The following TANC2 variants were observed in gnomAD, a reference collection of about 807,000 sequenced individuals.
The protein encoded by TANC2 is protein TANC2.
In TANC2, 26 loss-of-function variants were observed where a neutral mutation model predicts 210.5. That is an observed-to-expected ratio of 0.12 (90% CI 0.09 to 0.17). The LOEUF (loss-of-function observed/expected upper bound fraction) is 0.17. Among genes scored for constraint, TANC2 ranks in the 10% least tolerant of loss-of-function variants. The pLI is 1.00. For missense variants in TANC2, 2,129 were observed against 2,608.9 expected (o/e 0.82, Z 4.01); for synonymous variants, 931 against 967.1 (o/e 0.96, Z 0.69).
intron 5 of TANC2, among the ~76,000 whole-genome samples, chr17:63,159,834 G>A (rs1277075461): frequency 2.0e-5 from 3 of 152,140 alleles, no homozygotes; most frequent in Non-Finnish European, 2.9e-5. Context: ...ACTGAGAAAA[G>A]GCTGTATTTT....
At chr17:63,074,248 T>C (rs2036498628) in intron 3 of TANC2, among the ~76,000 whole-genome samples, 1 of 152,140 alleles carries the variant, frequency 6.6e-6, no homozygotes, top group Admixed American at 6.5e-5. Context: ...TTAAGTAATT[T>C]TGAAGCATTA....
At chr17:63,320,822 G>C (rs1014311228) in intron 11 of TANC2, among the ~76,000 whole-genome samples, 7 of 152,066 alleles carry the variant, frequency 4.6e-5, no homozygotes, top group Non-Finnish European at 4.4e-5. Context: ...CTTTAATTCT[G>C]AGTAATGCTT....
intron 11 of TANC2, among the ~76,000 whole-genome samples, chr17:63,338,411 A>T (rs1313446126): frequency 6.6e-6 from 1 of 152,176 alleles, no homozygotes; most frequent in Non-Finnish European, 1.5e-5. Flanking sequence ...GTATCTTCTT[A>T]CTTTAGGATG....
At chr17:63,324,938 A>G (rs1036397529) in intron 11 of TANC2, among the ~76,000 whole-genome samples, 14 of 152,084 alleles carry the variant, frequency 9.2e-5, no homozygotes, top group African/African-American at 3.4e-4. Context: ...AAAGCCATCA[A>G]ATAGCTCCTC....
At chr17:63,168,756 T>C (rs1246071591) in intron 5 of TANC2, among the ~76,000 whole-genome samples, 2 of 151,976 alleles carry the variant, frequency 1.3e-5, no homozygotes, top group Non-Finnish European at 1.5e-5. Context: ...GATTCCTTAC[T>C]TTTTTTTAGA....
intron 20 of TANC2, 120 bp from the exon 21 acceptor site, chr17:63,406,034 A>T (rs2048494894): frequency 3.5e-5 from 46 of 1,313,766 alleles, no homozygotes; most frequent in Non-Finnish European, 4.8e-5. Flanking sequence ...GGGGAAGTGG[A>T]AAGATACATG....
At position 63,170,587 on chromosome 17, in the gene TANC2, A is replaced by G. The variant is rs555992321; in HGVS notation, c.433+19207A>G. ...TATTTTTAAATTGCACACACATACT[A>G]AAGTATGTAAAAGTATTTTTTTATT... On this transcript the variant is annotated intron_variant, in intron 5 of 27. Transcript: ENST00000689528. Among the ~76,000 whole-genome samples the G allele has an allele frequency of 7.2e-5, 11 of 152,276 alleles. No individual in the cohort carries two copies. In the South Asian group the frequency reaches 2.3e-3, roughly 32 times the overall value.
intron 5 of TANC2, among the ~76,000 whole-genome samples, chr17:63,162,811 A>G (rs1444857458): frequency 6.6e-6 from 1 of 152,104 alleles, no homozygotes; most frequent in Admixed American, 6.6e-5. Flanking sequence ...AAGAAAGAGA[A>G]GAAGCCATGG....
At chr17:63,255,752 A>AC (rs1156510519) in intron 8 of TANC2, among the ~76,000 whole-genome samples, 2 of 151,920 alleles carry the variant, frequency 1.3e-5, no homozygotes, top group African/African-American at 4.8e-5. Flanking sequence ...TCCAAAAAAA[A>AC]CTTTTCATTT....
intron 2 of TANC2, among the ~76,000 whole-genome samples, chr17:63,042,375 T>A (rs956673075): frequency 6.6e-6 from 1 of 152,150 alleles, no homozygotes; most frequent in Non-Finnish European, 1.5e-5. Flanking sequence ...GTAGTTTCTG[T>A]TCTGTGCTTA....
chr17:63,025,597 A>G (rs2034515340), intron 2 of TANC2, among the ~76,000 whole-genome samples: 1 of 151,952 alleles, frequency 6.6e-6, no homozygotes, highest in South Asian at 2.1e-4. Context: ...GGAGTTTAAG[A>G]CAAGCCTGGG....
At chr17:63,039,129 T>C (rs1376333589) in intron 2 of TANC2, among the ~76,000 whole-genome samples, 1 of 152,212 alleles carries the variant, frequency 6.6e-6, no homozygotes, top group African/African-American at 2.4e-5. Flanking sequence ...TGATATGGTA[T>C]GTAAAAAATT....
chr17:63,218,816 C>A (rs1376385709), intron 7 of TANC2, among the ~76,000 whole-genome samples: 2 of 152,032 alleles, frequency 1.3e-5, no homozygotes, highest in Non-Finnish European at 2.9e-5. Context: ...ATCGCTAGAA[C>A]CCAGGAGACA....
At chr17:63,053,982 G>A (rs540477253) in intron 2 of TANC2, among the ~76,000 whole-genome samples, 1 of 152,166 alleles carries the variant, frequency 6.6e-6, no homozygotes, top group East Asian at 1.9e-4. Flanking sequence ...TCTCTGCTTT[G>A]TCTACTTCTG....
intron 7 of TANC2, among the ~76,000 whole-genome samples, chr17:63,220,245 A>T (rs2042133592): frequency 6.6e-6 from 1 of 152,066 alleles, no homozygotes; most frequent in Non-Finnish European, 1.5e-5. Flanking sequence ...CAGGGAGCCA[A>T]GATCGTGCCA....
Position 63,420,337 on chromosome 17 carries a change from C to T in TANC2, c.4607C>T (p.Ser1536Leu). 1 of 1,614,016 alleles carries T rather than the reference C, an allele frequency of 6.2e-7. No homozygotes were observed. Among genetic ancestry groups the T allele is most frequent in the Non-Finnish European group, 8.5e-7 (1 of 1,179,896 alleles). Residue 1536 changes from serine (S) to leucine (L), a missense_variant, in exon 28 of 28, where the codon TCA (serine) becomes TTA (leucine). Around this residue, in one of 5 missense-constraint regions of TANC2, gnomAD observed 584 missense variants for 627.3 expected, o/e 0.93. Coordinates refer to ENST00000689528, the Ensembl canonical transcript of TANC2. This position sits in a 1 kb window ranked among gnomAD's most constrained non-coding sequence, Gnocchi z 4.2. ...CCCTCCTCTCCCCCGCATCGGGACT[C>T]AGCCTACATCTCCAGCTCACCTCTT... is the stretch of plus-strand genomic sequence containing the variant.
At chr17:63,144,362 A>C (rs1226753783) in intron 4 of TANC2, among the ~76,000 whole-genome samples, 1 of 152,184 alleles carries the variant, frequency 6.6e-6, no homozygotes, top group African/African-American at 2.4e-5. Context: ...TTGTATTGGT[A>C]AACAAAGTCA....
chr17:63,273,053 G>A (rs2043762935), intron 9 of TANC2, among the ~76,000 whole-genome samples: 1 of 152,116 alleles, frequency 6.6e-6, no homozygotes, highest in Non-Finnish European at 1.5e-5. Context: ...GCCAAGGTGG[G>A]AGGCTTACTT....
intron 4 of TANC2, among the ~76,000 whole-genome samples, chr17:63,112,012 C>A (rs1342839988): frequency 6.6e-6 from 1 of 152,244 alleles, no homozygotes; most frequent in East Asian, 1.9e-4. Flanking sequence ...GCGTGAGCCA[C>A]CGCGCCCGGC....
Sources: allele counts gnomAD v4.1 joint callset (sites outside exome capture counted in the v4.1 genomes callset), GRCh38; gene constraint gnomAD v4.1.1; regional missense constraint gnomAD v4.1.1; non-coding constraint Gnocchi (gnomAD v3.1); transcripts MANE v1.5; gene names NCBI Gene and HGNC (gene_info 2026-07-23, HGNC 2026-07-21).